Variants in USP10 observed in about 807,000 individuals in gnomAD.
The protein encoded by USP10 is ubiquitin carboxyl-terminal hydrolase 10.
Under a neutral mutation model 84.5 loss-of-function variants are expected in USP10, and 22 were observed. The ratio of observed to expected loss-of-function variants is 0.26; its 90% CI spans 0.19 to 0.37. The LOEUF is 0.37. Among genes scored for constraint, USP10 ranks in the 10% least tolerant of loss-of-function variants. USP10 has a pLI of 1.00. For missense variants in USP10, 1,019 were observed against 998.9 expected (o/e 1.02, Z -0.27); for synonymous variants, 454 against 387.6 (o/e 1.17, Z -2.01).
At chr16:84,767,596 C>G (rs1914001076) in intron 10 of USP10, among the ~76,000 whole-genome samples, 1 of 152,124 alleles carries the variant, frequency 6.6e-6, no homozygotes, top group African/African-American at 2.4e-5. Context: ...CGTTTTGAGG[C>G]CATGGCAGGG....
chr16:84,720,227 TG>T (rs1198057189), intron 1 of USP10, among the ~76,000 whole-genome samples: 1 of 152,234 alleles, frequency 6.6e-6, no homozygotes, highest in African/African-American at 2.4e-5. Context: ...GAGGAAGCTC[TG>T]CCGTGGCGAT....
At chr16:84,704,785 G>A in intron 1 of USP10, 1 of 1,535,460 alleles carries the variant, frequency 6.5e-7, no homozygotes, top group Non-Finnish European at 8.7e-7. Flanking sequence ...TGAGAACCCA[G>A]AAGCTCTACC....
intron 3 of USP10, among the ~76,000 whole-genome samples, chr16:84,744,335 A>T (rs950644552): frequency 1.3e-5 from 2 of 152,186 alleles, no homozygotes; most frequent in Non-Finnish European, 2.9e-5. Flanking sequence ...GGGTATTTTT[A>T]AAATTGGCAA....
rs147612042 is a variant in USP10, at chr16:84,711,704, G to A, written c.21+11593G>A. On this transcript the variant is annotated intron_variant, in intron 1 of 13. Transcript: ENST00000219473. ...TCCACCTATAACTAGAGTTTTAGGC[G>A]TGAGGAAGGGCTAGCTTTTTTTTTT... 2.7e-5 allele frequency among the ~76,000 whole-genome samples: 4 copies of A among 149,448 alleles called. No homozygotes were observed. The East Asian group carries it at 5.9e-4, about 22-fold the overall frequency.
intron 1 of USP10, among the ~76,000 whole-genome samples, chr16:84,727,389 AAAC>A (rs1372172513): frequency 6.6e-6 from 1 of 152,204 alleles, no homozygotes; most frequent in Non-Finnish European, 1.5e-5. Context: ...AGAAAACACT[AAAC>A]AGTCAAACAT....
intron 4 of USP10, among the ~76,000 whole-genome samples, chr16:84,752,252 A>G (rs1217801425): frequency 6.6e-6 from 1 of 152,226 alleles, no homozygotes; most frequent in East Asian, 1.9e-4. Flanking sequence ...GGGGGAGGCC[A>G]TCTTCCTAAA....
chr16:84,749,929 G>A (rs1265912218), intron 4 of USP10, among the ~76,000 whole-genome samples: 1 of 152,122 alleles, frequency 6.6e-6, no homozygotes, highest in Non-Finnish European at 1.5e-5. Context: ...ACTGTTATTT[G>A]AAAGGAGAAG....
chr16:84,731,042 C>T (rs1273099427), intron 1 of USP10, among the ~76,000 whole-genome samples: 1 of 136,072 alleles, frequency 7.3e-6, no homozygotes, highest in Non-Finnish European at 1.5e-5. Flanking sequence ...TGCAGTGGCT[C>T]ATTCTCGGCT....
At position 84,719,893 on chromosome 16, in the gene USP10, A is replaced by T. The variant is rs191947010; in HGVS notation, c.22-13542A>T. 9.5e-4 allele frequency among the ~76,000 whole-genome samples: 145 copies of T among 152,380 alleles called. 1 individual carries two copies. Among genetic ancestry groups the T allele is most frequent in the Non-Finnish European group, 1.1e-3 (76 of 68,040 alleles). ...TGAAGGTTAAACTGAGACAGCAAACAGTGGATTCCTTCCTTAGCTAGTATA... is the reference window on the plus strand; with the variant it reads ...TGAAGGTTAAACTGAGACAGCAAACTGTGGATTCCTTCCTTAGCTAGTATA... On this transcript the variant is annotated intron_variant, in intron 1 of 13. Coordinates refer to ENST00000219473, the MANE Select transcript of USP10 (RefSeq NM_005153.3).
At chr16:84,735,734 G>A (rs980803680) in intron 2 of USP10, among the ~76,000 whole-genome samples, 5 of 152,264 alleles carry the variant, frequency 3.3e-5, no homozygotes, top group Admixed American at 6.5e-5. Context: ...TTCAGAACTC[G>A]TAGTGTGTGT....
intron 2 of USP10, among the ~76,000 whole-genome samples, chr16:84,735,213 GTGTGTGTGTGTGTGTGT>G: frequency 1.6e-5 from 1 of 63,104 alleles, no homozygotes; most frequent in South Asian, 6.9e-4. Context: ...GTGTGTGTGT[GTGTGTGTGTGTGTGTGT>G]GTGTGTGGTG....
chr16:84,708,204 C>G (rs1905800233), intron 1 of USP10, among the ~76,000 whole-genome samples: 1 of 152,082 alleles, frequency 6.6e-6, no homozygotes. Flanking sequence ...AATCCCAGCA[C>G]TTTGGGAGGT....
intron 3 of USP10, among the ~76,000 whole-genome samples, chr16:84,742,343 C>T (rs1047246484): frequency 6.6e-6 from 1 of 152,194 alleles, no homozygotes; most frequent in Admixed American, 6.5e-5. Flanking sequence ...CCAGAAGAAT[C>T]CTTTTTCTAA....
In USP10 at chr16:84,704,624, A is replaced by G. The variant is rs182614140; in HGVS notation, c.21+4513A>G. The stretch of plus-strand genomic sequence containing the variant: ...GGAAAATAAAGGTAGCCCTTGGGGT[A>G]TGTGTATAGTATTTGTTTCAAGGAT... On this transcript the variant is annotated intron_variant, in intron 1 of 13. Coordinates refer to ENST00000219473, the MANE Select transcript of USP10 (RefSeq NM_005153.3). The G allele has an allele frequency of 3.4e-4, 432 of 1,266,364 alleles. 1 individual carries two copies. The African/African-American group carries it at 6.0e-3, about 18-fold the overall frequency. The allele number at this position is 1,266,364 out of a possible 1,614,324, so 78.4% of individuals were successfully genotyped here.
At chr16:84,710,157 C>T (rs1010897342) in intron 1 of USP10, among the ~76,000 whole-genome samples, 12 of 151,864 alleles carry the variant, frequency 7.9e-5, no homozygotes, top group South Asian at 4.1e-4. Context: ...GTAATCCCAG[C>T]TACTTGAGAG....
intron 4 of USP10, among the ~76,000 whole-genome samples, chr16:84,753,604 C>G (rs562988007): frequency 6.6e-6 from 1 of 152,164 alleles, no homozygotes; most frequent in Non-Finnish European, 1.5e-5. Flanking sequence ...AGCCAGGGCG[C>G]GAACCCCCGT....
intron 8 of USP10, 51 bp downstream of exon 8, chr16:84,760,326 G>A: frequency 1.3e-6 from 2 of 1,486,192 alleles, no homozygotes; most frequent in Non-Finnish European, 1.8e-6. Flanking sequence ...TTTTGTTCCA[G>A]TGTTTGTGTG....
At chr16:84,709,652 G>A (rs1397351356) in intron 1 of USP10, among the ~76,000 whole-genome samples, 3 of 152,136 alleles carry the variant, frequency 2.0e-5, no homozygotes, top group African/African-American at 4.8e-5. Flanking sequence ...GAGAAGTTGC[G>A]TGACTCAGGA....
At chr16:84,716,015 C>A (rs1906967665) in intron 1 of USP10, among the ~76,000 whole-genome samples, 1 of 152,144 alleles carries the variant, frequency 6.6e-6, no homozygotes, top group African/African-American at 2.4e-5. Flanking sequence ...GGTCGTCCCT[C>A]AACCAGAGCA....
Sources: allele counts gnomAD v4.1 joint callset (sites outside exome capture counted in the v4.1 genomes callset), GRCh38; gene constraint gnomAD v4.1.1; transcripts MANE v1.5; gene names NCBI Gene and HGNC (gene_info 2026-07-23, HGNC 2026-07-21).